The following SAMD12 variants were observed in gnomAD, a reference collection of about 807,000 sequenced individuals.
The protein encoded by SAMD12 is sterile alpha motif domain-containing protein 12.
SAMD12 carries 9 observed loss-of-function variants against 15.0 expected under a neutral mutation model. The ratio of observed to expected loss-of-function variants is 0.60; its 90% CI spans 0.36 to 1.05. The LOEUF is 1.05. Ranked by LOEUF, SAMD12 falls within the 50% of genes least tolerant of loss-of-function variation. SAMD12 has a pLI of 0.01. For synonymous variants in SAMD12, 86 were observed against 90.1 expected (o/e 0.96, Z 0.25); for missense variants, 230 against 234.2 (o/e 0.98, Z 0.12).
chr8:118,153,798 C>A, the SAMD12 span, among the ~76,000 whole-genome samples: 3 of 152,132 alleles, frequency 2.0e-5, no homozygotes, highest in Non-Finnish European at 4.4e-5. Flanking sequence ...AACCTATCTA[C>A]CTTCTTGTTT....
intron 4 of SAMD12, among the ~76,000 whole-genome samples, chr8:118,255,112 G>T (rs991821082): frequency 6.6e-6 from 1 of 151,998 alleles, no homozygotes; most frequent in African/African-American, 2.4e-5. Flanking sequence ...TCACTGTGAT[G>T]AAACCAATAC....
At chr8:118,564,447 A>T (rs1826793915) in intron 2 of SAMD12, among the ~76,000 whole-genome samples, 1 of 152,204 alleles carries the variant, frequency 6.6e-6, no homozygotes, top group Non-Finnish European at 1.5e-5. Context: ...CTGACATCAG[A>T]AACAATTGCT....
In SAMD12 at chr8:118,419,277, C is replaced by CTT. The variant is rs11461750; in HGVS notation, c.322+20553_322+20554dup. Among the ~76,000 whole-genome samples, 178 of 151,480 alleles carry CTT rather than the reference C, an allele frequency of 1.2e-3. 1 individual carries two copies. Among genetic ancestry groups the CTT allele is most frequent in the African/African-American group, 3.7e-3 (153 of 41,278 alleles). On this transcript the variant is annotated intron_variant, in intron 3 of 3. Transcript: ENST00000314727. ...GGCTATGGGGTCTGGGTCAATTTTT[C>CTT]TTTTTTTTGTCGTTTTTTAATATCT...
chr8:118,333,805 C>A (rs371197867), intron 4 of SAMD12, among the ~76,000 whole-genome samples: 1 of 151,880 alleles, frequency 6.6e-6, no homozygotes, highest in African/African-American at 2.4e-5. Context: ...ATCAAATAGC[C>A]CAGGCACCAT....
intron 2 of SAMD12, among the ~76,000 whole-genome samples, chr8:118,532,161 T>G (rs1486375447): frequency 6.6e-6 from 1 of 152,226 alleles, no homozygotes; most frequent in Admixed American, 6.5e-5. Flanking sequence ...TGTTGAATTT[T>G]GTCAAAGGCC....
At chr8:118,578,502 G>T (rs1012864504) in intron 2 of SAMD12, among the ~76,000 whole-genome samples, 1 of 152,138 alleles carries the variant, frequency 6.6e-6, no homozygotes, top group African/African-American at 2.4e-5. Flanking sequence ...CACAGGTTTT[G>T]TAAGGTAGGT....
At chr8:118,611,365 G>C (rs1470834123) in intron 1 of SAMD12, among the ~76,000 whole-genome samples, 1 of 152,158 alleles carries the variant, frequency 6.6e-6, no homozygotes, top group African/African-American at 2.4e-5. Context: ...TGAAAGGCAA[G>C]AGCTAAGGCA....
intron 2 of SAMD12, among the ~76,000 whole-genome samples, chr8:118,453,350 T>C (rs758573557): frequency 2.0e-5 from 3 of 152,174 alleles, no homozygotes; most frequent in African/African-American, 4.8e-5. Context: ...TTATTTCTTC[T>C]ATCACATTCT....
intron 4 of SAMD12, among the ~76,000 whole-genome samples, chr8:118,370,495 T>C (rs1819034904): frequency 6.6e-6 from 1 of 152,172 alleles, no homozygotes; most frequent in African/African-American, 2.4e-5. Flanking sequence ...ATATAATCAC[T>C]GCAGCACTAC....
intron 2 of SAMD12, among the ~76,000 whole-genome samples, chr8:118,568,760 G>C (rs1254221377): frequency 6.6e-6 from 1 of 152,092 alleles, no homozygotes; most frequent in Non-Finnish European, 1.5e-5. Flanking sequence ...TTATTGACTT[G>C]GGGGGAATAT....
intron 1 of SAMD12, among the ~76,000 whole-genome samples, chr8:118,588,946 T>C (rs1827515178): frequency 6.6e-6 from 1 of 152,220 alleles, no homozygotes. Context: ...TTACATATAC[T>C]TGCTGAAGCT....
At chr8:118,222,566 C>A (rs960604074) in intron 4 of SAMD12, among the ~76,000 whole-genome samples, 5 of 152,036 alleles carry the variant, frequency 3.3e-5, no homozygotes, top group Non-Finnish European at 7.4e-5. Flanking sequence ...AGTGCAATGC[C>A]TCAATCTCAG....
intron 2 of SAMD12, among the ~76,000 whole-genome samples, chr8:118,505,491 A>G (rs1824897607): frequency 1.3e-5 from 2 of 151,080 alleles, no homozygotes; most frequent in Admixed American, 1.3e-4. Flanking sequence ...AAGCAGGCAG[A>G]CTCTTCTGAA....
chr8:118,285,205 CT>C (rs1813912154), intron 4 of SAMD12, among the ~76,000 whole-genome samples: 2 of 151,590 alleles, frequency 1.3e-5, no homozygotes, highest in Non-Finnish European at 2.9e-5. Context: ...GGGTGGAATT[CT>C]GGGTTGGATT....
intron 3 of SAMD12, among the ~76,000 whole-genome samples, chr8:118,384,120 G>A (rs555370249): frequency 6.6e-6 from 1 of 152,182 alleles, no homozygotes; most frequent in East Asian, 1.9e-4. Flanking sequence ...AGGAGAATGA[G>A]GGAATAGAAG....
At chr8:118,471,792 T>C (rs1586744401) in intron 2 of SAMD12, among the ~76,000 whole-genome samples, 1 of 152,154 alleles carries the variant, frequency 6.6e-6, no homozygotes, top group African/African-American at 2.4e-5. Context: ...GTGACCGTGG[T>C]GGTGATGGTG....
intron 3 of SAMD12, among the ~76,000 whole-genome samples, chr8:118,437,573 AC>A (rs1352074978): frequency 6.6e-6 from 1 of 152,180 alleles, no homozygotes; most frequent in Non-Finnish European, 1.5e-5. Flanking sequence ...TGAGCCAGGT[AC>A]TATTTTCTTT....
chr8:118,166,104 T>G, the SAMD12 span, among the ~76,000 whole-genome samples: 1 of 152,336 alleles, frequency 6.6e-6, no homozygotes, highest in Non-Finnish European at 1.5e-5. Context: ...AGTCATTACC[T>G]AGCAACTGGC....
At chr8:118,206,498 G>C (rs1412232073) in intron 4 of SAMD12, among the ~76,000 whole-genome samples, 1 of 152,174 alleles carries the variant, frequency 6.6e-6, no homozygotes, top group Non-Finnish European at 1.5e-5. Flanking sequence ...TTCCAGGATT[G>C]TTTACAGGTT....
Sources: gnomAD v4.1 joint callset for allele counts (sites outside exome capture counted in the v4.1 genomes callset) on GRCh38, gnomAD v4.1.1 for gene constraint, MANE v1.5 for transcripts, NCBI Gene and HGNC (gene_info 2026-07-23, HGNC 2026-07-21) for gene names.